Variants in PNLIPRP1 observed in about 807,000 individuals in gnomAD.
The protein encoded by PNLIPRP1 is inactive pancreatic lipase-related protein 1.
Under a neutral mutation model 54.6 loss-of-function variants are expected in PNLIPRP1, and 57 were observed. The ratio of observed to expected loss-of-function variants is 1.04; its 90% CI spans 0.84 to 1.30. The LOEUF is 1.30. Ranked by LOEUF, PNLIPRP1 falls within the 50% of genes most tolerant of loss-of-function variation. The pLI is 0.00. For missense variants in PNLIPRP1, 567 were observed against 568.5 expected (o/e 1.00, Z 0.03); for synonymous variants, 232 against 208.8 (o/e 1.11, Z -0.96).
intron 6 of PNLIPRP1, among the ~76,000 whole-genome samples, chr10:116,597,295 A>C (rs1448989445): frequency 6.6e-6 from 1 of 152,222 alleles, no homozygotes; most frequent in Non-Finnish European, 1.5e-5. Flanking sequence ...TAACTCATTT[A>C]ATCTATAACA....
Position 116,603,984 on chromosome 10 carries a change from C to G in PNLIPRP1, c.1064-46C>G, listed in dbSNP as rs782639038. ...GGAGACAAGTCTGGGATGTAGGCTA[C>G]TTATTTTGTGTGTGAATAAATTGAA... On this transcript the variant is annotated intron_variant, in intron 10 of 12. Transcript: ENST00000358834. 5 of 1,176,064 alleles carry G rather than the reference C, an allele frequency of 4.3e-6. No homozygotes were observed. In the African/African-American group the frequency reaches 7.6e-5, roughly 18 times the overall value. 72.9% of individuals were successfully genotyped at this position (1,176,064 alleles called of 1,614,324 possible).
intron 5 of PNLIPRP1, 197 bp downstream of exon 5, chr10:116,595,061 T>A (rs1377935193): frequency 6.6e-6 from 4 of 610,316 alleles, no homozygotes; most frequent in African/African-American, 1.8e-5. Flanking sequence ...ACTTAGAAAG[T>A]GGTTTTTTAA....
chr10:116,592,094 G>A (rs1280665519), intron 3 of PNLIPRP1, 169 bp downstream of exon 3: 1 of 698,114 alleles, frequency 1.4e-6, no homozygotes, highest in Non-Finnish European at 2.4e-6. Flanking sequence ...CTTTAGTAAT[G>A]TTGGCTTGAA....
intron 12 of PNLIPRP1, among the ~76,000 whole-genome samples, chr10:116,607,040 AATAATAATG>A (rs1479549870): frequency 1.3e-4 from 20 of 149,660 alleles, no homozygotes; most frequent in African/African-American, 4.6e-4. Flanking sequence ...TAATAATAAT[AATAATAATG>A]AAGAAGCTAA....
chr10:116,603,882 G>A (rs1847891170), intron 10 of PNLIPRP1, 148 bp from the exon 11 acceptor site: 1 of 484,694 alleles, frequency 2.1e-6, no homozygotes, highest in African/African-American at 2.0e-5. Flanking sequence ...GACAGAGTGA[G>A]ACCCCATCTC....
chr10:116,602,780 T>C (rs1192209652), intron 10 of PNLIPRP1, among the ~76,000 whole-genome samples: 4 of 152,386 alleles, frequency 2.6e-5, no homozygotes, highest in African/African-American at 9.6e-5. Flanking sequence ...CCTTTGTGTG[T>C]ATGCATGTGT....
At position 116,609,113 on chromosome 10, in the gene PNLIPRP1, C is replaced by T; in HGVS notation, c.1401C>T (p.Cys467=). The change falls in exon 13 of 13, where the codon TGC becomes TGT. Residue 467 remains cysteine (C), a synonymous_variant. Transcript: ENST00000358834. Reference sequence around the variant, plus strand: ...ACACGCTGCTCACCCTCACGCCCTGCTAAGCTCCCGGGGCGACGAGGCTGC... The same window carrying T: ...ACACGCTGCTCACCCTCACGCCCTGTTAAGCTCCCGGGGCGACGAGGCTGC... ...REDTLLTLTP[C] 1 of 1,608,478 alleles carries T rather than the reference C, an allele frequency of 6.2e-7. No homozygotes were observed. Among genetic ancestry groups the T allele is most frequent in the Non-Finnish European group, 8.5e-7 (1 of 1,176,578 alleles).
intron 6 of PNLIPRP1, among the ~76,000 whole-genome samples, 189 bp downstream of exon 6, chr10:116,596,511 G>A (rs1554863989): frequency 1.8e-4 from 27 of 152,154 alleles, no homozygotes. Flanking sequence ...CACGGCAAGG[G>A]AAGGGTGATT....
At chr10:116,592,338 C>A in intron 3 of PNLIPRP1, 78 bp from the exon 4 acceptor site, 2 of 1,480,132 alleles carry the variant, frequency 1.4e-6, no homozygotes, top group Non-Finnish European at 9.1e-7. Context: ...GAGGCATTGG[C>A]GCAGGCGGAG....
intron 4 of PNLIPRP1, 26 bp from the exon 5 acceptor site, chr10:116,594,704 C>T: frequency 1.9e-6 from 3 of 1,613,818 alleles, no homozygotes; most frequent in Non-Finnish European, 2.5e-6. Flanking sequence ...ATTATCTCCC[C>T]AACCCCACTA....
chr10:116,606,706 C>A (rs1461245459), intron 12 of PNLIPRP1, among the ~76,000 whole-genome samples: 2 of 152,176 alleles, frequency 1.3e-5, no homozygotes, highest in African/African-American at 2.4e-5. Context: ...CAGGGCATTG[C>A]ATCTTCCAGG....
intron 5 of PNLIPRP1, 92 bp from the exon 6 acceptor site, chr10:116,596,122 A>G (rs941142401): frequency 3.6e-6 from 3 of 826,010 alleles, no homozygotes; most frequent in Admixed American, 2.0e-5. Flanking sequence ...GAGGCATGGA[A>G]GGTTTTCAGC....
rs145478721 is a variant in PNLIPRP1 at position 116,600,418 on chromosome 10, T to C, written c.933+253T>C. ...AGAAAGAGCAGTCAATTCAATGATA[T>C]AGAGGCTTCCTGCAGGAGGCAACCT... On this transcript the variant is annotated intron_variant, in intron 9 of 12. Transcript: ENST00000358834. The C allele has an allele frequency of 1.2e-3, 434 of 367,402 alleles. 3 individuals carry two copies. Among genetic ancestry groups the C allele is most frequent in the African/African-American group, 8.1e-3 (394 of 48,924 alleles). The allele number at this position is 367,402 out of a possible 1,614,324, so 22.8% of individuals were successfully genotyped here. A position where few individuals can be genotyped will look rare whatever the true frequency, so the allele number is the denominator to read the frequency against.
In PNLIPRP1 at chr10:116,596,220, T is replaced by G. The variant is rs146076070; in HGVS notation, c.472T>G (p.Tyr158Asp). The change falls in exon 6 of 13, where the codon TAT becomes GAT. Residue 158 changes from tyrosine to aspartate, a missense_variant. Tyr to Asp is a radical substitution (Grantham distance 160). Coordinates refer to ENST00000358834, the MANE Select transcript of PNLIPRP1 (RefSeq NM_006229.4). ...AQMLDILLTE[Y>D]SYPPSKVHLI... is the part of the protein sequence containing the mutation. The stretch of plus-strand genomic sequence containing the variant: ...TACAATCTTCCCTCTCCAGACAGAG[T>G]ATAGCTACCCCCCTTCCAAAGTTCA... 2.5e-6 allele frequency: 4 copies of G among 1,607,368 alleles called. No individual in the cohort carries two copies. Among genetic ancestry groups the G allele is most frequent in the Non-Finnish European group, 3.4e-6 (4 of 1,174,354 alleles).
At chr10:116,597,749 C>G (rs1452008015) in intron 6 of PNLIPRP1, 79 bp from the exon 7 acceptor site, 2 of 1,558,318 alleles carry the variant, frequency 1.3e-6, no homozygotes, top group African/African-American at 2.7e-5. Context: ...CAGTGCATAG[C>G]CCGGGCAGCT....
At chr10:116,600,437 G>T in intron 9 of PNLIPRP1, 1 of 320,206 alleles carries the variant, frequency 3.1e-6, no homozygotes, top group Non-Finnish European at 5.8e-6. Flanking sequence ...CCTGCAGGAG[G>T]CAACCTCTGA....
chr10:116,601,750 G>C (rs1156756193), intron 10 of PNLIPRP1, among the ~76,000 whole-genome samples: 10 of 152,174 alleles, frequency 6.6e-5, no homozygotes, highest in African/African-American at 2.4e-5. Context: ...GGTAGAGACT[G>C]GGCATGTTTG....
chr10:116,591,091 ATGCCCGG>A, intron 1 of PNLIPRP1, 32 bp from the exon 2 acceptor site: 3 of 1,574,272 alleles, frequency 1.9e-6, no homozygotes, highest in Non-Finnish European at 2.6e-6. Context: ...TGCTCTGGCA[ATGCCCGG>A]TGAGACTGAA....
At chr10:116,591,672 C>A in intron 2 of PNLIPRP1, 99 bp from the exon 3 acceptor site, 1 of 1,235,062 alleles carries the variant, frequency 8.1e-7, no homozygotes, top group Non-Finnish European at 1.2e-6. Flanking sequence ...TGTCTTCAGA[C>A]TGTCCCTGAA....
Sources: allele counts gnomAD v4.1 joint callset (sites outside exome capture counted in the v4.1 genomes callset), GRCh38; gene constraint gnomAD v4.1.1; transcripts MANE v1.5; gene names NCBI Gene and HGNC (gene_info 2026-07-23, HGNC 2026-07-21).